The following NCK1 variants were observed in gnomAD, a reference collection of about 807,000 sequenced individuals.
NCK1 encodes the protein NCK adaptor protein 1.
In NCK1, 19 loss-of-function variants were observed where a neutral mutation model predicts 36.6. That is an observed-to-expected ratio of 0.52 (90% confidence interval 0.36 to 0.76). The LOEUF (loss-of-function observed/expected upper bound fraction) is 0.76, where lower values mean the gene tolerates loss of function less well. NCK1 is among the 30% of genes least tolerant of loss of function. The pLI is 0.00. For missense variants in NCK1, 358 were observed against 445.6 expected (o/e 0.80, Z 1.77); for synonymous variants, 165 against 156.0 (o/e 1.06, Z -0.43).
chr3:136,930,405 A>G (rs1416845399), intron 2 of NCK1: 1 of 1,223,602 alleles, frequency 8.2e-7, no homozygotes, highest in Non-Finnish European at 1.0e-6. Context: ...TTTTGGAAAG[A>G]GAAGCCTCAG....
At chr3:136,905,731 T>TC (rs1482345819) in intron 1 of NCK1, among the ~76,000 whole-genome samples, 1 of 152,066 alleles carries the variant, frequency 6.6e-6, no homozygotes, top group African/African-American at 2.4e-5. Flanking sequence ...GCTCAGGTAA[T>TC]CCCTCAACCT....
At chr3:136,899,003 A>C (rs1939465034) in intron 1 of NCK1, 1 of 156,616 alleles carries the variant, frequency 6.4e-6, no homozygotes, top group South Asian at 2.0e-4. Flanking sequence ...ATAAACACAA[A>C]TCAAATATAA....
At chr3:136,931,282 T>C (rs1026324027) in intron 2 of NCK1, among the ~76,000 whole-genome samples, 5 of 152,208 alleles carry the variant, frequency 3.3e-5, no homozygotes, top group Admixed American at 6.5e-5. Flanking sequence ...TATGATCTTA[T>C]AGTGAACTTA....
At chr3:136,885,547 C>T (rs531737269) in intron 1 of NCK1, among the ~76,000 whole-genome samples, 121 of 152,192 alleles carry the variant, frequency 8.0e-4, no homozygotes, top group Admixed American at 1.5e-3. Flanking sequence ...TCAAGTGATT[C>T]GTCTACCTTG....
intron 1 of NCK1, among the ~76,000 whole-genome samples, chr3:136,866,737 C>G (rs1164310031): frequency 6.6e-6 from 1 of 151,852 alleles, no homozygotes; most frequent in African/African-American, 2.4e-5. Context: ...TGTCAGTCTT[C>G]CGAGTAGCTA....
chr3:136,867,050 T>TCC (rs1560028275), intron 1 of NCK1, among the ~76,000 whole-genome samples: 1 of 24,802 alleles, frequency 4.0e-5, no homozygotes, highest in South Asian at 2.3e-3. Context: ...TTGCTTGCTT[T>TCC]TCTTTCTTTC....
chr3:136,876,263 C>T (rs1179344726), intron 1 of NCK1, among the ~76,000 whole-genome samples: 2 of 152,142 alleles, frequency 1.3e-5, no homozygotes, highest in African/African-American at 2.4e-5. Flanking sequence ...CAAGAGCAAA[C>T]ACATTCAAAA....
At chr3:136,880,272 G>C (rs1159038688) in intron 1 of NCK1, among the ~76,000 whole-genome samples, 3 of 151,350 alleles carry the variant, frequency 2.0e-5, no homozygotes, top group Non-Finnish European at 2.9e-5. Context: ...GTGACAGAGC[G>C]AGACTCCGTC....
rs1459414876 is a variant in NCK1, at chr3:136,951,538, A to G, written c.*3085A>G. 6.6e-6 allele frequency among the ~76,000 whole-genome samples: 1 copy of G among 152,164 alleles called. No homozygotes were observed. The highest frequency in any genetic ancestry group is 1.9e-4 in the East Asian group (1 of 5,200). On this transcript the variant is annotated 3_prime_UTR_variant, in exon 4 of 4. Transcript: ENST00000481752. ...GGAATCTAATATGGATGGTCCTCTT[A>G]TCTTTACCAGTGCACATGGTGAAAA...
chr3:136,920,172 A>AACTAAT (rs1157000237), intron 1 of NCK1, among the ~76,000 whole-genome samples: 2 of 152,216 alleles, frequency 1.3e-5, no homozygotes, highest in South Asian at 4.1e-4. Context: ...CTAATGAAAC[A>AACTAAT]GATCCCACCA....
intron 1 of NCK1, among the ~76,000 whole-genome samples, chr3:136,912,728 T>A (rs887817687): frequency 2.6e-5 from 4 of 151,964 alleles, no homozygotes; most frequent in Admixed American, 6.6e-5. Context: ...GTTCATGGGC[T>A]CACTGCAGCC....
intron 1 of NCK1, among the ~76,000 whole-genome samples, chr3:136,927,555 C>G (rs904982048): frequency 6.6e-6 from 1 of 151,950 alleles, no homozygotes; most frequent in African/African-American, 2.4e-5. Flanking sequence ...CAGATTCTCC[C>G]TCTGTCGCCA....
At position 136,948,205 on chromosome 3, in the gene NCK1, C is replaced by T. The variant is rs568041345; in HGVS notation, c.940-54C>T. On this transcript the variant is annotated intron_variant, in intron 3 of 3. Coordinates refer to ENST00000481752, the MANE Select transcript of NCK1 (RefSeq NM_001291999.2). Reference sequence around the variant, plus strand: ...TAGCTTTTAGTTTAATATAAAAATACTGATAGAGGGCTTTCAAAATGTTTA... The same window carrying T: ...TAGCTTTTAGTTTAATATAAAAATATTGATAGAGGGCTTTCAAAATGTTTA... 6 of 1,361,370 alleles carry T rather than the reference C, an allele frequency of 4.4e-6. No homozygotes were observed. In the South Asian group the frequency reaches 8.2e-5, roughly 19 times the overall value. The allele number at this position is 1,361,370 out of a possible 1,614,324, so 84.3% of individuals were successfully genotyped here. A position where few individuals can be genotyped will look rare whatever the true frequency, so the allele number is the denominator to read the frequency against.
chr3:136,888,711 A>T (rs1576954178), intron 1 of NCK1, among the ~76,000 whole-genome samples: 2 of 151,828 alleles, frequency 1.3e-5, no homozygotes, highest in Non-Finnish European at 2.9e-5. Flanking sequence ...ATTAGTTGTC[A>T]CCCCTAACCT....
intron 1 of NCK1, among the ~76,000 whole-genome samples, chr3:136,911,013 A>G (rs1939817285): frequency 6.6e-6 from 1 of 152,116 alleles, no homozygotes; most frequent in African/African-American, 2.4e-5. Context: ...ATGTGAGACC[A>G]TGTCTTTCTG....
chr3:136,928,278 A>C, intron 2 of NCK1, 51 bp downstream of exon 2: 2 of 1,486,320 alleles, frequency 1.3e-6, no homozygotes, highest in South Asian at 1.3e-5. Flanking sequence ...GAAACCTGCA[A>C]CTTAGTTCTT....
intron 1 of NCK1, among the ~76,000 whole-genome samples, chr3:136,917,743 C>T (rs1264875745): frequency 6.6e-6 from 1 of 152,204 alleles, no homozygotes; most frequent in Non-Finnish European, 1.5e-5. Context: ...TTCTTTCCCA[C>T]AGCACTTACG....
intron 1 of NCK1, among the ~76,000 whole-genome samples, chr3:136,912,566 A>G (rs566643124): frequency 4.1e-4 from 62 of 150,942 alleles, no homozygotes; most frequent in African/African-American, 1.3e-3. Flanking sequence ...TCTTTATTCA[A>G]ATCCCTGTAG....
chr3:136,934,449 C>A (rs1361892511), intron 2 of NCK1, among the ~76,000 whole-genome samples: 1 of 151,878 alleles, frequency 6.6e-6, no homozygotes, highest in Non-Finnish European at 1.5e-5. Flanking sequence ...CCACGCCTGG[C>A]TAATTTTTGT....
Sources: gnomAD v4.1 joint callset for allele counts (sites outside exome capture counted in the v4.1 genomes callset) on GRCh38, gnomAD v4.1.1 for gene constraint, MANE v1.5 for transcripts, NCBI Gene and HGNC (gene_info 2026-07-23, HGNC 2026-07-21) for gene names.